ELANE: variants seen among roughly 807,000 people sequenced by gnomAD.
ELANE encodes neutrophil elastase.
ELANE carries 12 observed loss-of-function variants against 20.6 expected under a neutral mutation model. The observed-to-expected ratio is 0.58, with a 90% confidence interval of 0.37 to 0.94. The LOEUF is 0.94. Among genes scored for constraint, ELANE ranks in the 40% least tolerant of loss-of-function variants. The pLI is 0.01. For missense variants in ELANE, 388 were observed against 395.2 expected (o/e 0.98, Z 0.15); for synonymous variants, 203 against 177.4 (o/e 1.14, Z -1.15).
rs137854447 is a variant in ELANE at position 852,990 on chromosome 19, C to A, written c.182C>A (p.Ala61Glu). The change falls in exon 2 of 5, where the codon GCG (alanine) becomes GAG (glutamate). Residue 61 changes from alanine to glutamate, a missense_variant. Ala to Glu is a moderately radical substitution (Grantham distance 107, BLOSUM62 -1). Transcript: ENST00000263621. ...CACTTCTGCGGCGCCACCCTGATTGCGCCCAACTTCGTCATGTCGGCCGCG... is the reference window on the plus strand; with the variant it reads ...CACTTCTGCGGCGCCACCCTGATTGAGCCCAACTTCGTCATGTCGGCCGCG... ...GGHFCGATLI[A>E]PNFVMSAAHC... The A allele has an allele frequency of 6.3e-7, 1 of 1,579,778 alleles. No homozygotes were observed. Among genetic ancestry groups the A allele is most frequent in the Non-Finnish European group, 8.5e-7 (1 of 1,169,902 alleles).
chr19:853,222 C>A (rs981872389), intron 2 of ELANE, 40 bp from the exon 3 acceptor site: 2 of 1,553,760 alleles, frequency 1.3e-6, no homozygotes, highest in East Asian at 2.5e-5. Flanking sequence ...GCCCCGACCC[C>A]CGGGGCCGCC....
intron 2 of ELANE, 79 bp from the exon 3 acceptor site, chr19:853,183 G>C: frequency 6.7e-7 from 1 of 1,501,546 alleles, no homozygotes; most frequent in African/African-American, 1.4e-5. Context: ...CAGGCCCGTC[G>C]CCGGATGGGG....
intron 2 of ELANE, 70 bp downstream of exon 2, chr19:853,102 G>C (rs991649593): frequency 1.3e-6 from 2 of 1,496,066 alleles, no homozygotes; most frequent in African/African-American, 1.4e-5. Flanking sequence ...GTGGGGGGAG[G>C]CCGGGGCCGG....
rs879438548 is a variant in ELANE at position 854,286 on chromosome 19, CA to C, written c.366+895del. On this transcript the variant is annotated intron_variant, in intron 3 of 4. Transcript: ENST00000263621. The stretch of plus-strand genomic sequence containing the variant: ...GTGAAACCCCGTCTCTACTAAAATA[CA>C]AAAAAAAAAAATTAGCCGAGTGTGG... 3.8e-3 allele frequency among the ~76,000 whole-genome samples: 551 copies of C among 143,428 alleles called. 1 individual carries two copies. Among genetic ancestry groups the C allele is most frequent in the African/African-American group, 0.01 (404 of 39,324 alleles). 94.1% of individuals were successfully genotyped at this position (143,428 alleles called of 152,430 possible).
rs1168727196 is a variant in ELANE at position 855,157 on chromosome 19, T to C, written c.367-407T>C. 6.6e-6 allele frequency among the ~76,000 whole-genome samples: 1 copy of C among 152,024 alleles called. No homozygotes were observed. Among genetic ancestry groups the C allele is most frequent in the Non-Finnish European group, 1.5e-5 (1 of 68,010 alleles). On this transcript the variant is annotated intron_variant, in intron 3 of 4. Coordinates refer to ENST00000263621, the MANE Select transcript of ELANE (RefSeq NM_001972.4). The surrounding 1 kb of genome is among the most constrained non-coding windows in gnomAD (Gnocchi z 6.2). ...CGTGAGCCACCGCACCTGGCAATTT[T>C]TTTTTATTATTTTTGTAGACATGGG...
rs558361786 is a variant in ELANE, at chr19:854,214, C to T, written c.366+811C>T. Among the ~76,000 whole-genome samples, 381 of 152,012 alleles carry T rather than the reference C, an allele frequency of 2.5e-3. 9 individuals are homozygous for T. Among genetic ancestry groups the T allele is most frequent in the East Asian group, 5.8e-4 (3 of 5,170 alleles). ...ATCCCAGCACTTTGGGAGGCTGAGG[C>T]GGGTGGATCACGAGGTCAGGTGTTC... is the stretch of plus-strand genomic sequence containing the variant. On this transcript the variant is annotated intron_variant, in intron 3 of 4. Coordinates refer to ENST00000263621, the MANE Select transcript of ELANE (RefSeq NM_001972.4).
rs1451132731 is a variant in ELANE at position 855,798 on chromosome 19, C to T, written c.597+4C>T. 4 of 1,608,220 alleles carry T rather than the reference C, an allele frequency of 2.5e-6. No homozygotes were observed. The highest frequency in any genetic ancestry group is 1.7e-5 in the Admixed American group (1 of 59,996). On this transcript the variant is annotated splice_donor_region_variant and intron_variant, in intron 4 of 4. Coordinates refer to ENST00000263621, the MANE Select transcript of ELANE (RefSeq NM_001972.4). This position sits in a 1 kb window ranked among gnomAD's most constrained non-coding sequence, Gnocchi z 6.2. ...CCGGCAGGCCGGCGTCTGTTTCGTA[C>T]GTGCCCTGGGTGTCCCTCTGCTCCC... is the stretch of plus-strand genomic sequence containing the variant.
Position 856,017 on chromosome 19 carries a change from C to T in ELANE, c.657C>T (p.Val219=). The change falls in exon 5 of 5, where the codon GTC becomes GTT. Residue 219 remains valine, a synonymous_variant. Coordinates refer to ENST00000263621, the MANE Select transcript of ELANE (RefSeq NM_001972.4). ...NGLIHGIASF[V]RGGCASGLYP... ...TAATCCACGGAATTGCCTCCTTCGT[C>T]CGGGGAGGCTGCGCCTCAGGGCTCT... 6.2e-7 allele frequency: 1 copy of T among 1,613,552 alleles called. No homozygotes were observed. Among genetic ancestry groups the T allele is most frequent in the Non-Finnish European group, 8.5e-7 (1 of 1,180,040 alleles).
intron 2 of ELANE, 36 bp downstream of exon 2, chr19:853,068 C>T: frequency 6.5e-7 from 1 of 1,530,430 alleles, no homozygotes; most frequent in Non-Finnish European, 8.7e-7. Context: ...CGGCTCGGAC[C>T]CCGCGTCCCG....
Position 855,740 on chromosome 19 carries a change from C to T in ELANE, c.543C>T (p.Cys181=). Residue 181 remains cysteine (C), a synonymous_variant, in exon 4 of 5, where the codon TGC becomes TGT. Transcript: ENST00000263621. This position sits in a 1 kb window ranked among gnomAD's most constrained non-coding sequence, Gnocchi z 6.2. ...ELNVTVVTSL[C]RRSNVCTLVR... ...ACGTGACGGTGGTGACGTCCCTCTG[C>T]CGTCGCAGCAACGTCTGCACTCTCG... The T allele has an allele frequency of 6.2e-7, 1 of 1,609,620 alleles. No homozygotes were observed.
chr19:852,497 G>A, intron 1 of ELANE, 102 bp downstream of exon 1: 1 of 1,437,238 alleles, frequency 7.0e-7, no homozygotes, highest in Non-Finnish European at 9.5e-7. Flanking sequence ...ATCCTCACAG[G>A]GGAGGTGCCA....
At chr19:853,475 G>A in intron 3 of ELANE, 72 bp downstream of exon 3, 2 of 1,511,344 alleles carry the variant, frequency 1.3e-6, no homozygotes, top group Non-Finnish European at 1.8e-6. Flanking sequence ...CTGCGACGGA[G>A]GGGCGCGTCG....
rs201313263 is a variant in ELANE at position 855,699 on chromosome 19, G to A, written c.502G>A (p.Val168Ile). Residue 168 changes from valine (V) to isoleucine (I), a missense_variant, in exon 4 of 5, where the codon GTC (valine) becomes ATC (isoleucine). Physicochemically the swap from Val to Ile is conservative, Grantham distance 29 (BLOSUM62 3). Transcript: ENST00000263621. This position sits in a 1 kb window ranked among gnomAD's most constrained non-coding sequence, Gnocchi z 6.2. ...GGGCAGGAACCGTGGGATCGCCAGC[G>A]TCCTGCAGGAGCTCAACGTGACGGT... Reference protein sequence around the residue: ...LLGRNRGIASVLQELNVTVVT... With the variant: ...LLGRNRGIASILQELNVTVVT... 34 of 1,609,702 alleles carry A rather than the reference G, an allele frequency of 2.1e-5. No individual in the cohort carries two copies. Among genetic ancestry groups the A allele is most frequent in the East Asian group, 1.1e-4 (5 of 44,880 alleles).
rs199932636 is a variant in ELANE, at chr19:856,128, C to A, written c.768C>A (p.His256Gln). The A allele has an allele frequency of 3.7e-6, 6 of 1,612,902 alleles. No individual in the cohort carries two copies. The African/African-American group carries it at 6.7e-5, about 18-fold the overall frequency. The change falls in exon 5 of 5, where the codon CAC becomes CAA. Residue 256 changes from histidine (H) to glutamine (Q), a missense_variant. Transcript: ENST00000263621. ...IQRSEDNPCP[H>Q]PRDPDPASRT... ...GCTCCGAGGACAACCCCTGTCCCCA[C>A]CCCCGGGACCCGGACCCGGCCAGCA...
rs1253672459 is a variant in ELANE, at chr19:855,208, C to CT, written c.367-354dup. Among the ~76,000 whole-genome samples, 3 of 152,050 alleles carry CT rather than the reference C, an allele frequency of 2.0e-5. No individual in the cohort carries two copies. The highest frequency in any genetic ancestry group is 7.2e-5 in the African/African-American group (3 of 41,396). Reference sequence around the variant, plus strand: ...GCTTTGCCACATTGCCCAGGCTGGTCTTGAATGCCTGGCCTCAAGTGATCC... The same window carrying CT: ...GCTTTGCCACATTGCCCAGGCTGGTCTTTGAATGCCTGGCCTCAAGTGATCC... On this transcript the variant is annotated intron_variant, in intron 3 of 4. Coordinates refer to ENST00000263621, the MANE Select transcript of ELANE (RefSeq NM_001972.4). This position sits in a 1 kb window ranked among gnomAD's most constrained non-coding sequence, Gnocchi z 6.2.
At chr19:854,687 A>T (rs2035647697) in intron 3 of ELANE, among the ~76,000 whole-genome samples, 2 of 146,260 alleles carry the variant, frequency 1.4e-5, no homozygotes, top group Admixed American at 7.0e-5. Flanking sequence ...ATAAATATAT[A>T]TTTTATTTAA....
chr19:855,746 C>T lies in ELANE; in HGVS notation c.549C>T (p.Arg183=). 2 of 1,609,698 alleles carry T rather than the reference C, an allele frequency of 1.2e-6. No individual in the cohort carries two copies. The highest frequency in any genetic ancestry group is 1.7e-6 in the Non-Finnish European group (2 of 1,179,950). The part of the protein sequence containing the change: ...NVTVVTSLCR[R]SNVCTLVRGR... ...CGGTGGTGACGTCCCTCTGCCGTCG[C>T]AGCAACGTCTGCACTCTCGTGAGGG... The change falls in exon 4 of 5, where the codon CGC becomes CGT. Residue 183 remains arginine, a synonymous_variant. Transcript: ENST00000263621. The surrounding 1 kb of genome is among the most constrained non-coding windows in gnomAD (Gnocchi z 6.2).
chr19:852,342 G>T lies in ELANE; in HGVS notation c.14G>T (p.Arg5Leu). Residue 5 changes from arginine (R) to leucine (L), a missense_variant, in exon 1 of 5, where the codon CGC (arginine) becomes CTC (leucine). Physicochemically the swap from Arg to Leu is moderately radical, Grantham distance 102. Transcript: ENST00000263621. Reference sequence around the variant, plus strand: ...CCCAGCCCCACCATGACCCTCGGCCGCCGACTCGCGTGTCTTTTCCTCGCC... The same window carrying T: ...CCCAGCCCCACCATGACCCTCGGCCTCCGACTCGCGTGTCTTTTCCTCGCC... The part of the protein sequence containing the change: MTLG[R>L]RLACLFLACV... The T allele has an allele frequency of 6.2e-7, 1 of 1,610,120 alleles. No individual in the cohort carries two copies. The highest frequency in any genetic ancestry group is 8.5e-7 in the Non-Finnish European group (1 of 1,179,840).
In ELANE at chr19:855,830, C is replaced by A; in HGVS notation, c.597+36C>A. The A allele has an allele frequency of 6.2e-7, 1 of 1,606,282 alleles. No homozygotes were observed. Among genetic ancestry groups the A allele is most frequent in the Non-Finnish European group, 8.5e-7 (1 of 1,179,036 alleles). On this transcript the variant is annotated intron_variant, in intron 4 of 4. Transcript: ENST00000263621. This position sits in a 1 kb window ranked among gnomAD's most constrained non-coding sequence, Gnocchi z 6.2. Reference sequence around the variant, plus strand: ...TGGGTGTCCCTCTGCTCCCCACCCGCTCCCAGCCCGGACTGCAGCAACAGG... The same window carrying A: ...TGGGTGTCCCTCTGCTCCCCACCCGATCCCAGCCCGGACTGCAGCAACAGG...
Sources: gnomAD v4.1 joint callset for allele counts (sites outside exome capture counted in the v4.1 genomes callset) on GRCh38, gnomAD v4.1.1 for gene constraint, Gnocchi (gnomAD v3.1) non-coding constraint, MANE v1.5 for transcripts, NCBI Gene and HGNC (gene_info 2026-07-23, HGNC 2026-07-21) for gene names.